EFCAB8: variants seen among roughly 807,000 people sequenced by gnomAD.
EFCAB8 encodes the protein EF-hand calcium binding domain 8, also known as EF-hand calcium-binding domain-containing protein 8.
Under a neutral mutation model 116.3 loss-of-function variants are expected in EFCAB8, and 100 were observed. That is an observed-to-expected ratio of 0.86 (90% confidence interval 0.73 to 1.02). The LOEUF (loss-of-function observed/expected upper bound fraction) is 1.02, where lower values mean the gene tolerates loss of function less well. Among genes scored for constraint, EFCAB8 ranks in the 50% least tolerant of loss-of-function variants. The pLI is 0.00. For synonymous variants in EFCAB8, 558 were observed against 567.9 expected (o/e 0.98, Z 0.25); for missense variants, 1,320 against 1,416.9 (o/e 0.93, Z 1.10).
intron 1 of EFCAB8, among the ~76,000 whole-genome samples, chr20:32,863,203 A>T (rs1376280671): frequency 6.6e-6 from 1 of 151,982 alleles, no homozygotes; most frequent in Non-Finnish European, 1.5e-5. Context: ...GACGAGGTGG[A>T]TTGGTGCTCC....
intron 2 of EFCAB8, among the ~76,000 whole-genome samples, chr20:32,864,588 A>G (rs1984293144): frequency 6.6e-6 from 1 of 152,100 alleles, no homozygotes; most frequent in Non-Finnish European, 1.5e-5. Context: ...CTCTAAAAAA[A>G]CAAAACAAAA....
chr20:32,943,924 GCCTTCA>G, intron 23 of EFCAB8, 120 bp downstream of exon 23: 1 of 405,560 alleles, frequency 2.5e-6, no homozygotes. Context: ...CACAGCAACT[GCCTTCA>G]CTTAAATAAT....
At position 32,874,398 on chromosome 20, in the gene EFCAB8, A is replaced by AT. The variant is rs201484631; in HGVS notation, c.209-1520dup. 7.9e-4 allele frequency among the ~76,000 whole-genome samples: 119 copies of AT among 151,446 alleles called. 1 individual carries two copies. The East Asian group carries it at 0.022, about 28-fold the overall frequency. On this transcript the variant is annotated intron_variant, in intron 3 of 26. Transcript: ENST00000400522. ...CCACTACACCTGGCTAATTTAAAAA[A>AT]TTTTTTTTGTAGATTGGGTCTCCTT...
At chr20:32,920,701 G>A (rs1334837205) in intron 20 of EFCAB8, among the ~76,000 whole-genome samples, 1 of 152,116 alleles carries the variant, frequency 6.6e-6, no homozygotes, top group Non-Finnish European at 1.5e-5. Flanking sequence ...CACAACACGG[G>A]GGAATTCTGG....
chr20:32,935,172 TTTTC>T (rs1396936973), intron 22 of EFCAB8, among the ~76,000 whole-genome samples: 3,369 of 104,484 alleles, frequency 0.032, 225 homozygotes, highest in Non-Finnish European at 0.038. Flanking sequence ...TTCTCTTCTC[TTTTC>T]TTTCTTTCTT....
intron 23 of EFCAB8, among the ~76,000 whole-genome samples, chr20:32,953,618 A>G (rs1001167816): frequency 1.3e-5 from 2 of 152,176 alleles, no homozygotes; most frequent in South Asian, 4.1e-4. Flanking sequence ...TGGCCATTGT[A>G]TATCATCTTT....
intron 20 of EFCAB8, among the ~76,000 whole-genome samples, chr20:32,921,894 G>A (rs577421598): frequency 6.1e-4 from 90 of 147,822 alleles, no homozygotes; most frequent in African/African-American, 2.1e-3. Flanking sequence ...GCAGTGTTGC[G>A]ATATCAGCTC....
At chr20:32,875,797 C>A in intron 3 of EFCAB8, 129 bp from the exon 4 acceptor site, 1 of 742,830 alleles carries the variant, frequency 1.3e-6, no homozygotes, top group Non-Finnish European at 2.2e-6. Context: ...GCATGAGCCA[C>A]CGCGCCTGGC....
intron 22 of EFCAB8, among the ~76,000 whole-genome samples, chr20:32,934,134 G>A (rs779927237): frequency 6.6e-5 from 10 of 151,426 alleles, no homozygotes; most frequent in Non-Finnish European, 1.3e-4. Flanking sequence ...GTGAGCCACC[G>A]TGCCCAGCCC....
chr20:32,936,785 G>T (rs1445906748), intron 22 of EFCAB8, among the ~76,000 whole-genome samples: 1 of 152,028 alleles, frequency 6.6e-6, no homozygotes, highest in East Asian at 1.9e-4. Flanking sequence ...GATTGTTTTG[G>T]CTAGCCAGGG....
At chr20:32,917,231 A>G in intron 17 of EFCAB8, 70 bp from the exon 18 acceptor site, 1 of 1,249,242 alleles carries the variant, frequency 8.0e-7, no homozygotes, top group Non-Finnish European at 1.1e-6. Flanking sequence ...TCAAGGCTCC[A>G]GTGCTTCCCC....
chr20:32,957,885 AT>A lies in EFCAB8; in HGVS notation c.2960-525del, dbSNP rs936314622. ...TCTTTGCTTCTACTGCTTTCCAGTG[AT>A]TTTTTTTTTTCTTAAATGATTTTTT... On this transcript the variant is annotated intron_variant, in intron 23 of 26. Coordinates refer to ENST00000400522, the MANE Select transcript of EFCAB8 (RefSeq NM_001143967.2). 2.6e-3 allele frequency among the ~76,000 whole-genome samples: 380 copies of A among 145,416 alleles called. 1 individual carries two copies. Among genetic ancestry groups the A allele is most frequent in the African/African-American group, 7.3e-3 (290 of 39,584 alleles).
At chr20:32,921,201 C>CTTTTTTTT (rs5841120) in intron 20 of EFCAB8, among the ~76,000 whole-genome samples, 1 of 149,332 alleles carries the variant, frequency 6.7e-6, no homozygotes. Flanking sequence ...TTTCTCTCTC[C>CTTTTTTTT]TTTTTTTTTC....
rs1004180309 is a variant in EFCAB8, at chr20:32,889,314, A to G, written c.581A>G (p.Gln194Arg). The G allele has an allele frequency of 3.5e-5, 55 of 1,551,556 alleles. No individual in the cohort carries two copies. The highest frequency in any genetic ancestry group is 4.6e-5 in the Non-Finnish European group (53 of 1,146,990). The change falls in exon 7 of 27, where the codon CAG (glutamine) becomes CGG (arginine). Residue 194 changes from glutamine (Q) to arginine (R), a missense_variant. Coordinates refer to ENST00000400522, the MANE Select transcript of EFCAB8 (RefSeq NM_001143967.2). ...LMSSFRLNQT[Q>R]QLYNQPMWVI... The stretch of plus-strand genomic sequence containing the variant: ...TCCTCTGGCCAGCTTAACCAGACCC[A>G]GCAGCTCTACAACCAGCCGATGTGG...
At chr20:32,878,031 G>A (rs1385016103) in intron 4 of EFCAB8, among the ~76,000 whole-genome samples, 2 of 152,128 alleles carry the variant, frequency 1.3e-5, no homozygotes, top group Non-Finnish European at 2.9e-5. Context: ...TTTAATCCTA[G>A]AACTTTGGCA....
intron 4 of EFCAB8, among the ~76,000 whole-genome samples, chr20:32,877,954 C>T (rs1340097643): frequency 6.6e-6 from 1 of 152,142 alleles, no homozygotes; most frequent in South Asian, 2.1e-4. Context: ...GTGAATGCTG[C>T]GAGTAGGCCC....
chr20:32,864,395 C>T (rs1039929815), intron 2 of EFCAB8, among the ~76,000 whole-genome samples: 35 of 151,748 alleles, frequency 2.3e-4, no homozygotes, highest in Non-Finnish European at 4.3e-4. Context: ...CCTGCCTGGG[C>T]AACATAGTGA....
intron 1 of EFCAB8, among the ~76,000 whole-genome samples, chr20:32,859,778 G>A (rs1441004929): frequency 1.3e-5 from 2 of 152,020 alleles, no homozygotes; most frequent in Non-Finnish European, 2.9e-5. Flanking sequence ...CTGAAACAAG[G>A]ACATTCTCAT....
At chr20:32,921,893 C>T (rs1600429669) in intron 20 of EFCAB8, among the ~76,000 whole-genome samples, 2 of 144,354 alleles carry the variant, frequency 1.4e-5, no homozygotes, top group East Asian at 2.0e-4. Context: ...TGCAGTGTTG[C>T]GATATCAGCT....
Sources: allele counts gnomAD v4.1 joint callset (sites outside exome capture counted in the v4.1 genomes callset), GRCh38; gene constraint gnomAD v4.1.1; transcripts MANE v1.5; gene names NCBI Gene and HGNC (gene_info 2026-07-23, HGNC 2026-07-21).